Variants in FGF14 observed in about 807,000 individuals in gnomAD.
The protein encoded by FGF14 is fibroblast growth factor homologous factor 4.
FGF14 carries 5 observed loss-of-function variants against 25.5 expected under a neutral mutation model. The observed-to-expected ratio is 0.20, with a 90% CI of 0.10 to 0.41. FGF14 has a LOEUF of 0.41. Ranked by LOEUF, FGF14 falls within the 10% of genes least tolerant of loss-of-function variation. The probability of loss-of-function intolerance (pLI) is 1.00; values close to 1 mark genes in which losing one functional copy is unlikely to be tolerated. For synonymous variants in FGF14, 138 were observed against 118.3 expected (o/e 1.17, Z -1.08); for missense variants, 222 against 320.1 (o/e 0.69, Z 2.34).
intron 1 of FGF14, among the ~76,000 whole-genome samples, chr13:101,956,073 C>G: frequency 6.6e-6 from 1 of 152,076 alleles, no homozygotes; most frequent in East Asian, 1.9e-4. Flanking sequence ...AAAATATTGT[C>G]ACTTCATCAT....
At chr13:102,150,310 T>A (rs1474596230) in intron 1 of FGF14, among the ~76,000 whole-genome samples, 3 of 151,640 alleles carry the variant, frequency 2.0e-5, no homozygotes, top group African/African-American at 7.3e-5. Flanking sequence ...TTTTTTTTCT[T>A]AAATAACAGA....
intron 3 of FGF14, among the ~76,000 whole-genome samples, chr13:101,843,209 A>G (rs147773416): frequency 6.6e-6 from 1 of 152,210 alleles, no homozygotes; most frequent in African/African-American, 2.4e-5. Flanking sequence ...ATTTTAACAC[A>G]GGTAACAGAT....
At chr13:102,311,570 A>C (rs1282311487) in intron 1 of FGF14, among the ~76,000 whole-genome samples, 1 of 152,196 alleles carries the variant, frequency 6.6e-6, no homozygotes, top group Non-Finnish European at 1.5e-5. Context: ...AAGTGCTGTC[A>C]TACTACCAGA....
At chr13:102,272,833 A>G (rs534494056) in intron 1 of FGF14, among the ~76,000 whole-genome samples, 4 of 152,296 alleles carry the variant, frequency 2.6e-5, no homozygotes, top group African/African-American at 9.6e-5. Context: ...CACTGACAGG[A>G]GACCCAACTG....
intron 1 of FGF14, among the ~76,000 whole-genome samples, chr13:102,218,644 G>C (rs1454402841): frequency 6.6e-6 from 1 of 151,854 alleles, no homozygotes; most frequent in Non-Finnish European, 1.5e-5. Flanking sequence ...AATTAAGCTA[G>C]GGTGCCATAA....
At chr13:101,987,344 A>G (rs1416690719) in intron 1 of FGF14, among the ~76,000 whole-genome samples, 2 of 152,048 alleles carry the variant, frequency 1.3e-5, no homozygotes, top group Non-Finnish European at 2.9e-5. Flanking sequence ...GCTCCTGCTC[A>G]GCAGCCTGCC....
intron 3 of FGF14, among the ~76,000 whole-genome samples, chr13:101,810,198 T>C (rs902282159): frequency 1.3e-5 from 2 of 152,216 alleles, no homozygotes; most frequent in African/African-American, 4.8e-5. Flanking sequence ...TAGTGTTTTC[T>C]AGTTCGCTGT....
chr13:101,973,572 G>A (rs1022102789), intron 1 of FGF14, among the ~76,000 whole-genome samples: 9 of 152,174 alleles, frequency 5.9e-5, no homozygotes, highest in South Asian at 4.1e-4. Flanking sequence ...GAGGCAGTCC[G>A]AGTTCCAAAA....
At chr13:102,394,862 G>C (rs1161257908) in intron 1 of FGF14, 1 of 152,388 alleles carries the variant, frequency 6.6e-6, no homozygotes, top group Non-Finnish European at 1.5e-5. Context: ...GAGCTGCAGC[G>C]TGGGCCCGCT....
At chr13:101,847,487 T>G (rs1410774374) in intron 3 of FGF14, among the ~76,000 whole-genome samples, 1 of 152,124 alleles carries the variant, frequency 6.6e-6, no homozygotes, top group African/African-American at 2.4e-5. Flanking sequence ...ATGTTAAATA[T>G]AAGACAACTG....
chr13:102,161,647 A>AAGG (rs2047731104), intron 1 of FGF14, among the ~76,000 whole-genome samples: 5 of 19,800 alleles, frequency 2.5e-4, no homozygotes, highest in Non-Finnish European at 5.2e-4. Flanking sequence ...GAAGAAGAAG[A>AAGG]AGAAGAAGAA....
chr13:102,352,899 C>T (rs1337298786), intron 1 of FGF14, among the ~76,000 whole-genome samples: 2 of 151,962 alleles, frequency 1.3e-5, no homozygotes, highest in African/African-American at 4.8e-5. Flanking sequence ...CTCAAAATAT[C>T]CTCTCTTATA....
intron 3 of FGF14, among the ~76,000 whole-genome samples, chr13:101,782,561 TCA>T (rs1373143294): frequency 6.6e-6 from 1 of 152,122 alleles, no homozygotes; most frequent in Non-Finnish European, 1.5e-5. Context: ...CTGAAAGACC[TCA>T]GTGTCCGTTC....
At chr13:101,728,110 C>A (rs1444739706) in intron 3 of FGF14, among the ~76,000 whole-genome samples, 1 of 152,030 alleles carries the variant, frequency 6.6e-6, no homozygotes, top group Non-Finnish European at 1.5e-5. Context: ...TCAATATTCC[C>A]CATAAAAGTG....
At chr13:101,960,392 T>G (rs1009463545) in intron 1 of FGF14, among the ~76,000 whole-genome samples, 5 of 152,218 alleles carry the variant, frequency 3.3e-5, no homozygotes, top group African/African-American at 1.2e-4. Flanking sequence ...ATGTGTGATC[T>G]GTTCCTCTCC....
Position 102,400,113 on chromosome 13 carries a change from G to A in FGF14, c.208+1358C>T, listed in dbSNP as rs2058669177. ...GCACCCGCAGGCGGCAGACCCCTCG[G>A]AGCGCGCCACCCCAGCTACGTTGCA... On this transcript the variant is annotated intron_variant, in intron 1 of 4. Transcript: ENST00000376131. The surrounding 1 kb of genome is among the most constrained non-coding windows in gnomAD (Gnocchi z 4.3). 6.6e-6 allele frequency among the ~76,000 whole-genome samples: 1 copy of A among 151,974 alleles called. No individual in the cohort carries two copies. Among genetic ancestry groups the A allele is most frequent in the Admixed American group, 6.6e-5 (1 of 15,254 alleles).
At chr13:102,373,741 CA>C (rs2057952968) in intron 1 of FGF14, 1 of 152,146 alleles carries the variant, frequency 6.6e-6, no homozygotes, top group Non-Finnish European at 1.5e-5. Context: ...GGAATAAACA[CA>C]AGTCAAACTT....
chr13:102,010,261 T>A (rs1446538469), intron 1 of FGF14, among the ~76,000 whole-genome samples: 1 of 152,184 alleles, frequency 6.6e-6, no homozygotes, highest in Non-Finnish European at 1.5e-5. Context: ...ATAAAGTTGA[T>A]GTGAAACCAT....
At chr13:101,977,951 A>G (rs1438955389) in intron 1 of FGF14, among the ~76,000 whole-genome samples, 1 of 152,278 alleles carries the variant, frequency 6.6e-6, no homozygotes, top group Non-Finnish European at 1.5e-5. Context: ...AAAAAAAAAA[A>G]AAAAACTAGC....
Sources: allele counts gnomAD v4.1 joint callset (sites outside exome capture counted in the v4.1 genomes callset), GRCh38; gene constraint gnomAD v4.1.1; non-coding constraint Gnocchi (gnomAD v3.1); transcripts MANE v1.5; gene names NCBI Gene and HGNC (gene_info 2026-07-23, HGNC 2026-07-21).